The following GAP43 variants were observed in gnomAD, a reference collection of about 807,000 sequenced individuals.
GAP43 encodes growth associated protein 43.
In GAP43, 6 loss-of-function variants were observed where a neutral mutation model predicts 18.6. The ratio of observed to expected loss-of-function variants is 0.32; its 90% CI spans 0.18 to 0.64. GAP43 has a LOEUF of 0.64. Among genes scored for constraint, GAP43 ranks in the 30% least tolerant of loss-of-function variants. The pLI is 0.78. For missense variants in GAP43, 292 were observed against 295.5 expected (o/e 0.99, Z 0.09); for synonymous variants, 115 against 111.4 (o/e 1.03, Z -0.20).
intron 2 of GAP43, among the ~76,000 whole-genome samples, chr3:115,685,646 G>T (rs1709023086): frequency 6.6e-6 from 1 of 152,170 alleles, no homozygotes; most frequent in Admixed American, 6.5e-5. Flanking sequence ...GCAACTTAAA[G>T]TCACCCTCAT....
intron 2 of GAP43, among the ~76,000 whole-genome samples, chr3:115,699,122 C>G (rs1289045807): frequency 6.6e-6 from 1 of 152,166 alleles, no homozygotes; most frequent in African/African-American, 2.4e-5. Flanking sequence ...TGAGGAAGTA[C>G]TTTGGCATTG....
At chr3:115,664,653 G>A (rs746431914) in intron 1 of GAP43, among the ~76,000 whole-genome samples, 239 of 152,268 alleles carry the variant, frequency 1.6e-3, no homozygotes, top group Non-Finnish European at 2.7e-3. Context: ...AGATCATCGA[G>A]AGAGAATCCA....
chr3:115,651,047 G>A (rs2107475217), intron 1 of GAP43, among the ~76,000 whole-genome samples: 1 of 152,236 alleles, frequency 6.6e-6, no homozygotes, highest in African/African-American at 2.4e-5. Flanking sequence ...TGGGAGGATT[G>A]TTTAAATCCA....
At chr3:115,720,196 C>T (rs1386928097) in intron 2 of GAP43, among the ~76,000 whole-genome samples, 1 of 152,158 alleles carries the variant, frequency 6.6e-6, no homozygotes, top group Non-Finnish European at 1.5e-5. Flanking sequence ...GGTCACAAGG[C>T]AGCTGCTACA....
At chr3:115,668,990 C>T (rs1708773132) in intron 1 of GAP43, among the ~76,000 whole-genome samples, 1 of 151,116 alleles carries the variant, frequency 6.6e-6, no homozygotes, top group Non-Finnish European at 1.5e-5. Flanking sequence ...CTGCAGCAGT[C>T]ATCTGAGATA....
chr3:115,649,461 G>C (rs1161831730), intron 1 of GAP43, among the ~76,000 whole-genome samples: 1 of 152,102 alleles, frequency 6.6e-6, no homozygotes, highest in Non-Finnish European at 1.5e-5. Context: ...TCAAGGTAGG[G>C]AGAAACCTGT....
At chr3:115,700,655 T>A (rs1192159890) in intron 2 of GAP43, among the ~76,000 whole-genome samples, 2 of 152,126 alleles carry the variant, frequency 1.3e-5, no homozygotes, top group Non-Finnish European at 2.9e-5. Context: ...AGTGAAAAAG[T>A]CTTTTTCTTA....
chr3:115,663,563 A>C, intron 1 of GAP43: 1 of 1,315,032 alleles, frequency 7.6e-7, no homozygotes, highest in East Asian at 3.0e-5. Flanking sequence ...TCAACATCTC[A>C]AGTGTGAATT....
chr3:115,688,075 G>A (rs1709057736), intron 2 of GAP43, among the ~76,000 whole-genome samples: 1 of 152,046 alleles, frequency 6.6e-6, no homozygotes, highest in African/African-American at 2.4e-5. Flanking sequence ...GGAGTGCAGT[G>A]GTGCAATCTT....
intron 1 of GAP43, among the ~76,000 whole-genome samples, chr3:115,666,153 A>C (rs1221331224): frequency 6.6e-6 from 1 of 151,948 alleles, no homozygotes; most frequent in Non-Finnish European, 1.5e-5. Context: ...AAGTTAGAGA[A>C]GACTGAGAAG....
intron 2 of GAP43, among the ~76,000 whole-genome samples, chr3:115,717,980 G>A (rs71323409): frequency 6.6e-6 from 1 of 152,160 alleles, no homozygotes; most frequent in Non-Finnish European, 1.5e-5. Context: ...CTGCATCTCA[G>A]AACCATCTGA....
chr3:115,665,217 C>T (rs1708718018), intron 1 of GAP43, among the ~76,000 whole-genome samples: 1 of 152,084 alleles, frequency 6.6e-6, no homozygotes, highest in Non-Finnish European at 1.5e-5. Flanking sequence ...ATGTTCTTTC[C>T]CCTAATGCCT....
intron 2 of GAP43, among the ~76,000 whole-genome samples, chr3:115,715,604 G>T (rs141780833): frequency 6.6e-6 from 1 of 152,312 alleles, no homozygotes; most frequent in East Asian, 1.9e-4. Flanking sequence ...TCACCATGAT[G>T]ATCAAAGATT....
chr3:115,675,960 AAGG>A (rs951895841), intron 1 of GAP43, 50 bp from the exon 2 acceptor site: 24 of 1,538,384 alleles, frequency 1.6e-5, no homozygotes, highest in Middle Eastern at 1.8e-4. Flanking sequence ...CTGAGATTTA[AAGG>A]AGAAGAATGT....
intron 2 of GAP43, among the ~76,000 whole-genome samples, chr3:115,685,222 A>C (rs1709017862): frequency 6.6e-6 from 1 of 152,158 alleles, no homozygotes; most frequent in Non-Finnish European, 1.5e-5. Flanking sequence ...ATTTTGCATT[A>C]TATTCAGAAA....
chr3:115,640,925 CT>C (rs138662453), intron 1 of GAP43, among the ~76,000 whole-genome samples: 5 of 150,400 alleles, frequency 3.3e-5, no homozygotes, highest in East Asian at 2.0e-4. Flanking sequence ...TTCTTTCCTT[CT>C]TTTTTTCCTT....
intron 1 of GAP43, among the ~76,000 whole-genome samples, chr3:115,641,881 C>T (rs996045271): frequency 1.3e-5 from 2 of 152,004 alleles, no homozygotes; most frequent in South Asian, 2.1e-4. Flanking sequence ...GATGTTCTTG[C>T]GGCTGAAGCA....
chr3:115,661,970 G>A (rs1708666370), intron 1 of GAP43, among the ~76,000 whole-genome samples: 1 of 151,370 alleles, frequency 6.6e-6, no homozygotes, highest in African/African-American at 2.4e-5. Context: ...ATAAGCAATG[G>A]GAATGTCTAA....
intron 2 of GAP43, 128 bp from the exon 3 acceptor site, chr3:115,720,666 T>C: frequency 1.7e-6 from 1 of 587,244 alleles, no homozygotes; most frequent in Non-Finnish European, 3.0e-6. Context: ...ATTAATAATC[T>C]CTTTTAATCT....
Sources: allele counts gnomAD v4.1 joint callset (sites outside exome capture counted in the v4.1 genomes callset), GRCh38; gene constraint gnomAD v4.1.1; transcripts MANE v1.5; gene names NCBI Gene and HGNC (gene_info 2026-07-23, HGNC 2026-07-21).